Variants in TEX9 observed in about 807,000 individuals in gnomAD.
TEX9 encodes the protein testis-expressed protein 9.
A neutral mutation model predicts 59.6 loss-of-function variants in TEX9; 74 were observed. The ratio of observed to expected loss-of-function variants is 1.24; its 90% confidence interval spans 1.03 to 1.51. TEX9 has a LOEUF of 1.51. Among genes scored for constraint, TEX9 ranks in the 40% most tolerant of loss-of-function variants. TEX9 has a pLI of 0.00. For synonymous variants in TEX9, 186 were observed against 152.2 expected (o/e 1.22, Z -1.64); for missense variants, 522 against 447.8 (o/e 1.17, Z -1.49).
intron 9 of TEX9, chr15:56,398,136 C>G (rs1005233062): frequency 3.3e-5 from 5 of 152,028 alleles, no homozygotes; most frequent in Non-Finnish European, 4.4e-5. Context: ...AGTATGGTAG[C>G]CACTTACCAT....
the TEX9 span, among the ~76,000 whole-genome samples, chr15:56,453,974 C>G: frequency 6.6e-6 from 1 of 152,026 alleles, no homozygotes; most frequent in African/African-American, 2.4e-5. Context: ...GAGCAGTTCC[C>G]TGAATTTAGA....
chr15:56,337,665 A>G (rs2046281803), intron 1 of TEX9, among the ~76,000 whole-genome samples: 1 of 152,208 alleles, frequency 6.6e-6, no homozygotes, highest in Non-Finnish European at 1.5e-5. Flanking sequence ...CAAAGACTTC[A>G]TGGCTATTAC....
At chr15:56,333,093 AAAG>A (rs1327014460) in intron 1 of TEX9, among the ~76,000 whole-genome samples, 1 of 152,222 alleles carries the variant, frequency 6.6e-6, no homozygotes, top group Non-Finnish European at 1.5e-5. Context: ...CCAAACATTT[AAAG>A]AAGAAGTAAT....
chr15:56,273,777 T>A (rs2141414341), intron 1 of TEX9, among the ~76,000 whole-genome samples: 1 of 152,328 alleles, frequency 6.6e-6, no homozygotes, highest in South Asian at 2.1e-4. Context: ...CTTGCATAAT[T>A]CCTGATGAAT....
In TEX9 at chr15:56,290,460, T is replaced by A. The variant is rs142438732; in HGVS notation, c.-107+46182T>A. 3.7e-3 allele frequency among the ~76,000 whole-genome samples: 559 copies of A among 151,728 alleles called. 5 individuals carry two copies. Among genetic ancestry groups the A allele is most frequent in the African/African-American group, 0.013 (540 of 41,106 alleles). ...CATCAGCAAGCCCTGCCCCCCCCAG[T>A]TTTTTTCAATACAGGTCTTGCTCTG... On this transcript the variant is annotated intron_variant, in intron 1 of 5. Transcript: ENST00000560827.
chr15:56,360,938 T>C (rs2245211), upstream of TEX9, among the ~76,000 whole-genome samples: 152,187 of 152,336 alleles, frequency 1, 76,019 homozygotes, highest in Non-Finnish European at 1. Flanking sequence ...CTAGTCCAGG[T>C]TTTTCTCTTC....
intron 1 of TEX9, among the ~76,000 whole-genome samples, chr15:56,263,162 T>C (rs1439310476): frequency 1.3e-5 from 2 of 152,178 alleles, no homozygotes; most frequent in Non-Finnish European, 2.9e-5. Flanking sequence ...TAGCTGGGAT[T>C]ACAGTCATTT....
chr15:56,420,056 C>T lies in TEX9; in HGVS notation c.964-7549C>T, dbSNP rs1009659769. On this transcript the variant is annotated intron_variant, in intron 10 of 12. Transcript: ENST00000352903. Reference sequence around the variant, plus strand: ...TTATGTTGTCAAATTTACTGGCATACAGTTTTTTACACTAGTTCCTTATTG... The same window carrying T: ...TTATGTTGTCAAATTTACTGGCATATAGTTTTTTACACTAGTTCCTTATTG... Among the ~76,000 whole-genome samples the T allele has an allele frequency of 5.4e-4, 79 of 146,550 alleles. 3 individuals are homozygous for T. The highest frequency in any genetic ancestry group is 2.1e-3 in the African/African-American group (77 of 36,260).
intron 3 of TEX9, 82 bp downstream of exon 3, chr15:56,373,586 AAACAC>A: frequency 8.7e-7 from 1 of 1,146,484 alleles, no homozygotes; most frequent in South Asian, 1.7e-5. Context: ...CATATATACA[AAACAC>A]TAGCCAAAGC....
chr15:56,255,981 A>C (rs556042060), intron 1 of TEX9, among the ~76,000 whole-genome samples: 15 of 152,218 alleles, frequency 9.9e-5, no homozygotes, highest in African/African-American at 3.6e-4. Context: ...TTTCAAGATA[A>C]ATCATTCAGG....
At chr15:56,376,145 A>G (rs555109790) in intron 3 of TEX9, among the ~76,000 whole-genome samples, 75 of 151,144 alleles carry the variant, frequency 5.0e-4, no homozygotes, top group Admixed American at 7.9e-4. Context: ...TGGGTGCAGC[A>G]CACCAGCATG....
At chr15:56,419,205 A>T (rs2049850963) in intron 10 of TEX9, among the ~76,000 whole-genome samples, 1 of 151,732 alleles carries the variant, frequency 6.6e-6, no homozygotes, top group African/African-American at 2.4e-5. Context: ...TGTTGCTATA[A>T]TGGAGAAATA....
chr15:56,375,150 A>G (rs1422236104), intron 3 of TEX9, among the ~76,000 whole-genome samples: 2 of 152,032 alleles, frequency 1.3e-5, no homozygotes, highest in Admixed American at 1.3e-4. Flanking sequence ...AAGTGTTCCT[A>G]TTTCTCCACA....
chr15:56,388,134 C>T (rs2048045421), intron 4 of TEX9, among the ~76,000 whole-genome samples: 1 of 151,934 alleles, frequency 6.6e-6, no homozygotes, highest in Admixed American at 6.6e-5. Flanking sequence ...AGTGGGCTTA[C>T]AATAAAAAGC....
intron 1 of TEX9, among the ~76,000 whole-genome samples, chr15:56,321,326 C>G (rs541797993): frequency 6.6e-6 from 1 of 152,300 alleles, no homozygotes; most frequent in South Asian, 2.1e-4. Context: ...TAAGAAGCAA[C>G]TGGTTCCTGA....
At chr15:56,438,646 G>A (rs1293089774) in intron 12 of TEX9, among the ~76,000 whole-genome samples, 5 of 152,138 alleles carry the variant, frequency 3.3e-5, no homozygotes, top group Non-Finnish European at 7.4e-5. Flanking sequence ...TGACAAATGG[G>A]ATCTAATTAA....
intron 1 of TEX9, among the ~76,000 whole-genome samples, chr15:56,353,514 A>T (rs1366124083): frequency 6.6e-6 from 1 of 152,228 alleles, no homozygotes; most frequent in African/African-American, 2.4e-5. Flanking sequence ...AGTTGTGAAT[A>T]ATAGCTTCTT....
intron 9 of TEX9, among the ~76,000 whole-genome samples, chr15:56,402,661 A>T (rs2048855133): frequency 6.6e-6 from 1 of 152,224 alleles, no homozygotes; most frequent in Admixed American, 6.5e-5. Context: ...TCCTGATACC[A>T]AAGCCTGGCA....
intron 1 of TEX9, among the ~76,000 whole-genome samples, chr15:56,250,731 AC>A (rs2043995014): frequency 1.3e-5 from 2 of 152,116 alleles, no homozygotes; most frequent in Non-Finnish European, 2.9e-5. Context: ...GGATGCTGCA[AC>A]CCACAGGTGA....
Sources: gnomAD v4.1 joint callset for allele counts (sites outside exome capture counted in the v4.1 genomes callset) on GRCh38, gnomAD v4.1.1 for gene constraint, MANE v1.5 for transcripts, NCBI Gene and HGNC (gene_info 2026-07-23, HGNC 2026-07-21) for gene names.